METTL15: variants seen among roughly 807,000 people sequenced by gnomAD.
METTL15 encodes the protein 12S rRNA N(4)-cytidine methyltransferase METTL15.
METTL15 carries 34 observed loss-of-function variants against 38.3 expected under a neutral mutation model. The ratio of observed to expected loss-of-function variants is 0.89; its 90% CI spans 0.68 to 1.18. The LOEUF (loss-of-function observed/expected upper bound fraction) is 1.18, where lower values mean the gene tolerates loss of function less well. METTL15 is among the 50% of genes most tolerant of loss of function. The pLI is 0.00. For missense variants in METTL15, 438 were observed against 498.4 expected, an observed-to-expected ratio of 0.88 and a Z score of 1.15; for synonymous variants, 162 against 170.9, an observed-to-expected ratio of 0.95 and a Z score of 0.41.
At chr11:28,506,584 G>T (rs1439420410) in intron 6 of METTL15, among the ~76,000 whole-genome samples, 1 of 151,992 alleles carries the variant, frequency 6.6e-6, no homozygotes, top group Non-Finnish European at 1.5e-5. Flanking sequence ...TTTGGTCTTA[G>T]GGTATATCTT....
intron 5 of METTL15, among the ~76,000 whole-genome samples, chr11:28,392,586 A>G (rs1341734516): frequency 6.6e-6 from 1 of 152,126 alleles, no homozygotes. Flanking sequence ...GCTTCATGAT[A>G]TTGGATTTTG....
intron 6 of METTL15, among the ~76,000 whole-genome samples, chr11:28,316,227 A>G (rs1013871345): frequency 2.6e-5 from 4 of 152,226 alleles, no homozygotes; most frequent in Non-Finnish European, 4.4e-5. Flanking sequence ...TGGAGCTGCC[A>G]AAGACCATGA....
At chr11:28,128,658 A>G (rs1213136557) in intron 3 of METTL15, among the ~76,000 whole-genome samples, 2 of 152,112 alleles carry the variant, frequency 1.3e-5, no homozygotes, top group Non-Finnish European at 2.9e-5. Context: ...AGTGAGCGGA[A>G]ACTATGCAAT....
At chr11:28,451,646 G>C (rs541531444) in intron 6 of METTL15, among the ~76,000 whole-genome samples, 2 of 152,112 alleles carry the variant, frequency 1.3e-5, no homozygotes, top group Non-Finnish European at 2.9e-5. Context: ...ATTTGGCATG[G>C]TAAATAAGGA....
At chr11:28,252,242 T>C (rs1197341766) in intron 4 of METTL15, among the ~76,000 whole-genome samples, 2 of 152,014 alleles carry the variant, frequency 1.3e-5, no homozygotes, top group Non-Finnish European at 1.5e-5. Context: ...AAGGAAAATA[T>C]AAAGAAGGGA....
intron 3 of METTL15, among the ~76,000 whole-genome samples, chr11:28,348,722 ATGT>A (rs1432753257): frequency 3.3e-5 from 5 of 150,376 alleles, no homozygotes; most frequent in Non-Finnish European, 6.0e-5. Context: ...GTATGTATGT[ATGT>A]ATGTATGTAT....
intron 4 of METTL15, among the ~76,000 whole-genome samples, chr11:28,270,303 T>A (rs376806656): frequency 1.3e-5 from 2 of 152,306 alleles, no homozygotes; most frequent in East Asian, 3.9e-4. Flanking sequence ...TTTTGAAATA[T>A]GTATACGTTG....
intron 4 of METTL15, among the ~76,000 whole-genome samples, chr11:28,276,273 A>G (rs1443685514): frequency 6.6e-6 from 1 of 152,194 alleles, no homozygotes; most frequent in Non-Finnish European, 1.5e-5. Context: ...TAGCATACAA[A>G]AGTCAGTAAC....
intron 5 of METTL15, chr11:28,398,698 G>A (rs974061085): frequency 3.3e-5 from 5 of 151,960 alleles, no homozygotes; most frequent in African/African-American, 1.2e-4. Context: ...TGTCACTTTT[G>A]GCTTTTGTTG....
chr11:28,148,293 G>A (rs1849959406), intron 3 of METTL15, among the ~76,000 whole-genome samples: 1 of 151,878 alleles, frequency 6.6e-6, no homozygotes, highest in Non-Finnish European at 1.5e-5. Context: ...ATACCTAAAA[G>A]TCAGTAGGTT....
At chr11:28,358,974 T>G (rs188304769) in intron 4 of METTL15, among the ~76,000 whole-genome samples, 71 of 152,280 alleles carry the variant, frequency 4.7e-4, no homozygotes, top group African/African-American at 1.6e-3. Context: ...ATGTGTAGGT[T>G]TGTGACAGGT....
chr11:28,293,356 A>G (rs576339700), intron 5 of METTL15, among the ~76,000 whole-genome samples: 3 of 152,278 alleles, frequency 2.0e-5, no homozygotes, highest in African/African-American at 7.2e-5. Context: ...GTCAAAGATC[A>G]GATAGTTGTA....
intron 5 of METTL15, among the ~76,000 whole-genome samples, chr11:28,396,558 G>A (rs1160509940): frequency 2.6e-5 from 4 of 152,064 alleles, no homozygotes; most frequent in Non-Finnish European, 5.9e-5. Flanking sequence ...TCTTCAAGGA[G>A]AACTACAAAC....
intron 6 of METTL15, 86 bp downstream of exon 6, chr11:28,297,017 A>G (rs1856764884): frequency 2.9e-6 from 4 of 1,366,456 alleles, no homozygotes; most frequent in South Asian, 1.3e-5. Flanking sequence ...ACGCATGCAC[A>G]TGTGTGTGTG....
At chr11:28,189,079 A>G (rs1474475794) in intron 3 of METTL15, among the ~76,000 whole-genome samples, 1 of 151,378 alleles carries the variant, frequency 6.6e-6, no homozygotes, top group African/African-American at 2.4e-5. Flanking sequence ...GAATAAAGCA[A>G]AAACATATAA....
intron 3 of METTL15, among the ~76,000 whole-genome samples, chr11:28,153,328 A>G (rs140051407): frequency 1.4e-4 from 21 of 152,140 alleles, no homozygotes; most frequent in Non-Finnish European, 2.5e-4. Flanking sequence ...ATAATATCTA[A>G]TATAATGCCT....
At chr11:28,310,905 CTGCTGCTGCTGGTGGTGGTGG>C (rs1197256598) in intron 6 of METTL15, among the ~76,000 whole-genome samples, 83 of 86,140 alleles carry the variant, frequency 9.6e-4, no homozygotes, top group Admixed American at 3.8e-3. Context: ...GCTGCTGCTG[CTGCTGCTGCTGGTGGTGGTGG>C]TGGTGGTGGT....
intron 6 of METTL15, among the ~76,000 whole-genome samples, chr11:28,494,475 G>A (rs1222831233): frequency 6.6e-6 from 1 of 152,078 alleles, no homozygotes; most frequent in African/African-American, 2.4e-5. Flanking sequence ...TTCAAATCCT[G>A]CCTCAAGCCC....
At chr11:28,236,433 G>C in intron 4 of METTL15, among the ~76,000 whole-genome samples, 1 of 152,034 alleles carries the variant, frequency 6.6e-6, no homozygotes, top group Non-Finnish European at 1.5e-5. Flanking sequence ...AATCCATCTG[G>C]TCCTGGACTC....
Sources: gnomAD v4.1 joint callset for allele counts (sites outside exome capture counted in the v4.1 genomes callset) on GRCh38, gnomAD v4.1.1 for gene constraint, MANE v1.5 for transcripts, NCBI Gene and HGNC (gene_info 2026-07-23, HGNC 2026-07-21) for gene names.